GRM7: variants seen among roughly 807,000 people sequenced by gnomAD.
The protein encoded by GRM7 is metabotropic glutamate receptor 7.
A neutral mutation model predicts 84.5 loss-of-function variants in GRM7; 35 were observed. The observed-to-expected ratio is 0.41, with a 90% CI of 0.32 to 0.55. The LOEUF is 0.55. GRM7 is among the 20% of genes least tolerant of loss of function. The pLI is 0.19. For synonymous variants in GRM7, 487 were observed against 455.1 expected (o/e 1.07, Z -0.89); for missense variants, 1,003 against 1,194.6 (o/e 0.84, Z 2.36).
chr3:7,239,584 G>A (rs753633578), intron 2 of GRM7, among the ~76,000 whole-genome samples: 2 of 152,118 alleles, frequency 1.3e-5, no homozygotes, highest in Non-Finnish European at 2.9e-5. Context: ...AATGTTTCCG[G>A]ATGAGATTAG....
intron 3 of GRM7, among the ~76,000 whole-genome samples, chr3:7,302,860 T>A (rs1700050497): frequency 6.6e-6 from 1 of 151,936 alleles, no homozygotes; most frequent in African/African-American, 2.4e-5. Context: ...TTTGATAGCA[T>A]CTTTGATCAT....
intron 1 of GRM7, among the ~76,000 whole-genome samples, chr3:6,947,645 G>A (rs1698139602): frequency 6.6e-6 from 1 of 152,044 alleles, no homozygotes; most frequent in Admixed American, 6.5e-5. Context: ...GCTCCTCCTT[G>A]TACCTCTGGT....
intron 6 of GRM7, among the ~76,000 whole-genome samples, chr3:7,456,051 A>G (rs1236704883): frequency 6.6e-6 from 1 of 152,044 alleles, no homozygotes; most frequent in South Asian, 2.1e-4. Context: ...TTTTTTCTTG[A>G]TGTTGCAGAA....
chr3:7,307,908 C>T (rs1054498736), intron 4 of GRM7, among the ~76,000 whole-genome samples: 1 of 151,778 alleles, frequency 6.6e-6, no homozygotes, highest in South Asian at 2.1e-4. Flanking sequence ...TCAGAACAGG[C>T]AGAGACTACA....
intron 7 of GRM7, among the ~76,000 whole-genome samples, chr3:7,493,278 T>G (rs1699587862): frequency 1.3e-5 from 2 of 152,084 alleles, no homozygotes; most frequent in Admixed American, 6.6e-5. Flanking sequence ...TCTTCAGCTG[T>G]AATTGTGGAT....
chr3:7,446,485 G>A (rs1575347842), intron 5 of GRM7, among the ~76,000 whole-genome samples: 1 of 145,112 alleles, frequency 6.9e-6, no homozygotes, highest in Non-Finnish European at 1.5e-5. Context: ...TTTTGAGACG[G>A]AGTCTCATTC....
chr3:7,246,821 T>C (rs1009130632), intron 2 of GRM7, among the ~76,000 whole-genome samples: 1 of 152,094 alleles, frequency 6.6e-6, no homozygotes, highest in African/African-American at 2.4e-5. Context: ...GAAATGTATA[T>C]GGAAATGGAA....
chr3:7,609,318 G>A (rs1696737838), intron 8 of GRM7, among the ~76,000 whole-genome samples: 1 of 152,168 alleles, frequency 6.6e-6, no homozygotes, highest in South Asian at 2.1e-4. Context: ...TTTAGATCAT[G>A]AGGAAAGTGG....
At chr3:7,334,111 C>A (rs966145969) in intron 4 of GRM7, among the ~76,000 whole-genome samples, 3 of 151,980 alleles carry the variant, frequency 2.0e-5, no homozygotes, top group Admixed American at 2.0e-4. Flanking sequence ...TCAAAGAACA[C>A]CCAGGAAATT....
chr3:7,217,066 A>T (rs2124864179), intron 2 of GRM7, among the ~76,000 whole-genome samples: 1 of 152,264 alleles, frequency 6.6e-6, no homozygotes, highest in African/African-American at 2.4e-5. Flanking sequence ...TTGCCTGCTT[A>T]CCTTTTGCTG....
At chr3:7,586,326 T>C (rs1280139381) in intron 8 of GRM7, among the ~76,000 whole-genome samples, 1 of 152,064 alleles carries the variant, frequency 6.6e-6, no homozygotes, top group Non-Finnish European at 1.5e-5. Context: ...ATTCCTCTTA[T>C]ATATTTTACC....
chr3:7,354,631 C>T (rs12493369), intron 4 of GRM7, among the ~76,000 whole-genome samples: 27,526 of 152,092 alleles, frequency 0.18, 2,949 homozygotes, highest in African/African-American at 0.29. Flanking sequence ...GTGATTCCCA[C>T]ATCCCCATTC....
At chr3:7,304,854 C>T (rs1324765137) in intron 3 of GRM7, among the ~76,000 whole-genome samples, 1 of 151,970 alleles carries the variant, frequency 6.6e-6, no homozygotes, top group Non-Finnish European at 1.5e-5. Flanking sequence ...TCACACATTT[C>T]CTTTTCCTTG....
At chr3:7,403,415 A>C (rs1046829006) in intron 4 of GRM7, among the ~76,000 whole-genome samples, 1 of 151,372 alleles carries the variant, frequency 6.6e-6, no homozygotes, top group African/African-American at 2.4e-5. Flanking sequence ...ATTTCACCCT[A>C]CATTCATTAG....
At chr3:7,123,723 A>C (rs1428210916) in intron 1 of GRM7, among the ~76,000 whole-genome samples, 1 of 152,108 alleles carries the variant, frequency 6.6e-6, no homozygotes, top group African/African-American at 2.4e-5. Context: ...CTTCTCAAAC[A>C]TTTCTGTCAT....
intron 2 of GRM7, among the ~76,000 whole-genome samples, chr3:7,220,819 C>T (rs867642599): frequency 6.6e-6 from 1 of 152,142 alleles, no homozygotes; most frequent in Non-Finnish European, 1.5e-5. Context: ...AATTTTGCAG[C>T]TTGGTACGGT....
chr3:7,669,005 C>T (rs570982924), intron 8 of GRM7, among the ~76,000 whole-genome samples: 10 of 152,290 alleles, frequency 6.6e-5, no homozygotes, highest in African/African-American at 2.2e-4. Flanking sequence ...CTCAGACTTA[C>T]AGGATTAAAT....
chr3:7,020,651 G>A (rs905674133), intron 1 of GRM7, among the ~76,000 whole-genome samples: 21 of 152,162 alleles, frequency 1.4e-4, no homozygotes, highest in Non-Finnish European at 1.6e-4. Context: ...AAAATCTATT[G>A]CAGAAGACCT....
At chr3:7,676,503 G>A (rs1269132769) in intron 8 of GRM7, among the ~76,000 whole-genome samples, 1 of 151,966 alleles carries the variant, frequency 6.6e-6, no homozygotes, top group African/African-American at 2.4e-5. Flanking sequence ...TGTCTCCCAG[G>A]CTGGGAATGC....
Sources: allele counts gnomAD v4.1 joint callset (sites outside exome capture counted in the v4.1 genomes callset), GRCh38; gene constraint gnomAD v4.1.1; transcripts MANE v1.5; gene names NCBI Gene and HGNC (gene_info 2026-07-23, HGNC 2026-07-21).